CBR3: variants seen among roughly 807,000 people sequenced by gnomAD.
CBR3 encodes the protein carbonyl reductase [NADPH] 3.
In CBR3, 14 loss-of-function variants were observed where a neutral mutation model predicts 11.6. That is an observed-to-expected ratio of 1.20 (90% CI 0.79 to 1.88). CBR3 has a LOEUF of 1.88. CBR3 is among the 40% of genes most tolerant of loss of function. CBR3 has a pLI of 0.00. For synonymous variants in CBR3, 125 were observed against 145.6 expected (o/e 0.86, Z 1.02); for missense variants, 308 against 357.3 (o/e 0.86, Z 1.11).
chr21:36,139,712 G>A lies in CBR3; in HGVS notation c.397+1780G>A, dbSNP rs368113500. Among the ~76,000 whole-genome samples the A allele has an allele frequency of 7.9e-5, 12 of 151,854 alleles. No homozygotes were observed. The East Asian group carries it at 1.2e-3, about 15-fold the overall frequency. ...TGTGCTTTTCTTAATTTAACATTTC[G>A]AATATGGATTATTGGCCGGGTGTGG... On this transcript the variant is annotated intron_variant, in intron 2 of 2. Transcript: ENST00000290354.
intron 2 of CBR3, among the ~76,000 whole-genome samples, chr21:36,138,137 T>TTTAGTTTAGTTTA (rs1404820149): frequency 1.8e-4 from 19 of 103,630 alleles, no homozygotes; most frequent in African/African-American, 8.7e-4. Context: ...AGTTTAGTTT[T>TTTAGTTTAGTTTA]GTTTTGTTTG....
At chr21:36,138,942 A>C (rs1304041435) in intron 2 of CBR3, 1 of 151,274 alleles carries the variant, frequency 6.6e-6, no homozygotes, top group Non-Finnish European at 1.5e-5. Context: ...ATGGGATTTC[A>C]CTATGTTGGC....
At chr21:36,141,809 C>T in intron 2 of CBR3, 2 of 443,758 alleles carry the variant, frequency 4.5e-6, no homozygotes, top group East Asian at 1.6e-4. Flanking sequence ...GAGGTGTGCC[C>T]TCAGATCAAA....
At chr21:36,138,103 T>TTTTAGTTTAGTTTAGTTTAGTTTAG (rs373138227) in intron 2 of CBR3, among the ~76,000 whole-genome samples, 171 bp downstream of exon 2, 2 of 150,116 alleles carry the variant, frequency 1.3e-5, no homozygotes, top group African/African-American at 4.9e-5. Flanking sequence ...CACTCCAACA[T>TTTTAGTTTAGTTTAGTTTAGTTTAG]TTTAGTTTAG....
At chr21:36,141,007 CAAAAAAA>C (rs1217520274) in intron 2 of CBR3, among the ~76,000 whole-genome samples, 1 of 56,226 alleles carries the variant, frequency 1.8e-5, no homozygotes, top group South Asian at 6.4e-4. Context: ...CACTCCATCT[CAAAAAAA>C]AAAAAAAAAA....
intron 2 of CBR3, chr21:36,138,838 C>G (rs1024422193): frequency 2.0e-5 from 3 of 150,794 alleles, no homozygotes; most frequent in Non-Finnish European, 4.4e-5. Flanking sequence ...CTCCGCCTCC[C>G]AGGTTCAAGC....
At chr21:36,139,047 G>C (rs9977771) in intron 2 of CBR3, among the ~76,000 whole-genome samples, 1 of 152,070 alleles carries the variant, frequency 6.6e-6, no homozygotes, top group East Asian at 1.9e-4. Context: ...GCCCGAACGA[G>C]AAATTTTCTT....
intron 1 of CBR3, chr21:36,135,717 C>T (rs1199998760): frequency 1.6e-5 from 8 of 486,046 alleles, no homozygotes; most frequent in Non-Finnish European, 1.8e-5. Context: ...AGGGCCTGTG[C>T]GCGGCCCGGG....
In CBR3 at chr21:36,146,234, AG is replaced by A; in HGVS notation, c.559del (p.Glu187LysfsTer37). The A allele has an allele frequency of 6.2e-7, 1 of 1,614,164 alleles. No individual in the cohort carries two copies. Among genetic ancestry groups the A allele is most frequent in the Admixed American group, 1.7e-5 (1 of 60,010 alleles). On this transcript the variant is annotated frameshift_variant, in exon 3 of 3. Transcript: ENST00000290354. LOFTEE classifies it low-confidence loss of function (END_TRUNC). ...GGACACAAAAAATGAGGTGCATGAG[AG>A]GGAAGGCTGGCCCAACTCACCTTAT... ...VEDTKNEVHE[R>X]EGWPNSPYGV...
At chr21:36,144,455 C>T (rs962448816) in intron 2 of CBR3, among the ~76,000 whole-genome samples, 4 of 150,962 alleles carry the variant, frequency 2.6e-5, no homozygotes, top group African/African-American at 9.8e-5. Flanking sequence ...AAGACTGTCT[C>T]ACAAAACAAA....
chr21:36,135,306 G>T lies in CBR3; in HGVS notation c.114G>T (p.Arg38=). 5 of 1,610,244 alleles carry T rather than the reference G, an allele frequency of 3.1e-6. No individual in the cohort carries two copies. The highest frequency in any genetic ancestry group is 4.2e-6 in the Non-Finnish European group (5 of 1,178,694). Reference sequence around the variant, plus strand: ...CTGGGGATGTGGTGCTCACCGCGCGGGACGTGGCGCGGGGCCAGGCGGCCG... The same window carrying T: ...CTGGGGATGTGGTGCTCACCGCGCGTGACGTGGCGCGGGGCCAGGCGGCCG... ...QFSGDVVLTA[R]DVARGQAAVQ... is the part of the protein sequence containing the mutation. The change falls in exon 1 of 3, where the codon CGG becomes CGT. Residue 38 remains arginine, a synonymous_variant. Coordinates refer to ENST00000290354, the MANE Select transcript of CBR3 (RefSeq NM_001236.4).
rs770277873 is a variant in CBR3, at chr21:36,137,937, G to A, written c.397+5G>A. The A allele has an allele frequency of 9.8e-6, 15 of 1,531,416 alleles. No individual in the cohort carries two copies. The Admixed American group carries it at 2.2e-4, about 22-fold the overall frequency. 94.9% of individuals were successfully genotyped at this position (1,531,416 alleles called of 1,614,324 possible). The stretch of plus-strand genomic sequence containing the variant: ...TGCCGATAATGAAACCTCATGGTAA[G>A]CCCAACGTGTGGACAGTCGGGTTGC... On this transcript the variant is annotated splice_donor_5th_base_variant and intron_variant, in intron 2 of 2. Coordinates refer to ENST00000290354, the MANE Select transcript of CBR3 (RefSeq NM_001236.4).
chr21:36,137,508 AAGGAAGGAAGGAAGG>A (rs1568978592), intron 1 of CBR3: 73 of 16,206 alleles, frequency 4.5e-3, no homozygotes, highest in Middle Eastern at 0.038. Context: ...GAAAGAAAGG[AAGGAAGGAAGGAAGG>A]AAGGAAGGAA....
chr21:36,140,487 C>T (rs1446212198), intron 2 of CBR3, among the ~76,000 whole-genome samples: 3 of 152,162 alleles, frequency 2.0e-5, no homozygotes, highest in East Asian at 1.9e-4. Flanking sequence ...TATATAGGGA[C>T]GCAGCCATTA....
chr21:36,135,997 A>G (rs541956856), intron 1 of CBR3, among the ~76,000 whole-genome samples: 1 of 152,340 alleles, frequency 6.6e-6, no homozygotes, highest in South Asian at 2.1e-4. Flanking sequence ...TGTGTAATGC[A>G]GAGCTTTGAT....
chr21:36,145,329 A>T (rs2065745413), intron 2 of CBR3, among the ~76,000 whole-genome samples: 1 of 152,026 alleles, frequency 6.6e-6, no homozygotes, highest in South Asian at 2.1e-4. Context: ...CTTTTTTTAA[A>T]TTTGATTATT....
At position 36,135,310 on chromosome 21, in the gene CBR3, G is replaced by A. The variant is rs778802502; in HGVS notation, c.118G>A (p.Val40Met). 2.5e-6 allele frequency: 4 copies of A among 1,610,354 alleles called. No individual in the cohort carries two copies. In the Admixed American group the frequency reaches 5.0e-5, roughly 20 times the overall value. The change falls in exon 1 of 3, where the codon GTG becomes ATG. Residue 40 changes from valine (V) to methionine (M), a missense_variant. Val to Met is a conservative substitution (Grantham distance 21). Transcript: ENST00000290354. Reference protein sequence around the residue: ...SGDVVLTARDVARGQAAVQQL... With the variant: ...SGDVVLTARDMARGQAAVQQL... ...GGATGTGGTGCTCACCGCGCGGGAC[G>A]TGGCGCGGGGCCAGGCGGCCGTGCA...
At chr21:36,137,719 ATTAAC>A in intron 1 of CBR3, 101 bp from the exon 2 acceptor site, 1 of 686,590 alleles carries the variant, frequency 1.5e-6, no homozygotes, top group Non-Finnish European at 2.6e-6. Context: ...TTGTTTTAAA[ATTAAC>A]TTGTTTTTCC....
intron 2 of CBR3, chr21:36,142,008 A>C: frequency 3.4e-6 from 2 of 593,622 alleles, no homozygotes; most frequent in Non-Finnish European, 4.2e-6. Context: ...CAAAATATTG[A>C]TGTGACTCTC....
Sources: gnomAD v4.1 joint callset for allele counts (sites outside exome capture counted in the v4.1 genomes callset) on GRCh38, gnomAD v4.1.1 for gene constraint, MANE v1.5 for transcripts, NCBI Gene and HGNC (gene_info 2026-07-23, HGNC 2026-07-21) for gene names.